Variants in IWS1 observed in about 807,000 individuals in gnomAD.
IWS1 encodes protein IWS1 homolog.
In IWS1, 27 loss-of-function variants were observed where a neutral mutation model predicts 86.7. That is an observed-to-expected ratio of 0.31 (90% CI 0.23 to 0.43). IWS1 has a LOEUF of 0.43. IWS1 is among the 20% of genes least tolerant of loss of function. IWS1 has a pLI of 1.00. For missense variants in IWS1, 827 were observed against 1,000.8 expected, an observed-to-expected ratio of 0.83 and a Z score of 2.34; for synonymous variants, 313 against 335.1, an observed-to-expected ratio of 0.93 and a Z score of 0.72.
At chr2:127,524,873 TTTTTTGTTTTTG>T (rs141922143) in intron 1 of IWS1, among the ~76,000 whole-genome samples, 23,541 of 149,032 alleles carry the variant, frequency 0.16, 3,428 homozygotes, top group African/African-American at 0.38. Flanking sequence ...AGGAAAGTGT[TTTTTTGTTTTTG>T]TTTTTGTTTT....
intron 13 of IWS1, among the ~76,000 whole-genome samples, chr2:127,483,580 G>GT (rs1372204740): frequency 3.8e-5 from 2 of 52,926 alleles, no homozygotes; most frequent in Non-Finnish European, 7.6e-5. Flanking sequence ...TCGGGGCGGG[G>GT]GGTGGTGGGG....
chr2:127,525,825 C>T (rs992242420), intron 1 of IWS1, among the ~76,000 whole-genome samples: 3 of 152,222 alleles, frequency 2.0e-5, no homozygotes, highest in African/African-American at 4.8e-5. Context: ...GGAAGGATCC[C>T]CCGCCCCAAC....
rs757289236 is a variant in IWS1, at chr2:127,505,303, A to G, written c.600T>C (p.Asn200=). Residue 200 remains asparagine, a synonymous_variant, in exon 3 of 14, where the codon AAT becomes AAC. Coordinates refer to ENST00000295321, the MANE Select transcript of IWS1 (RefSeq NM_017969.3). The surrounding 1 kb of genome is among the most constrained non-coding windows in gnomAD (Gnocchi z 5.0). ...PPRHQASDSE[N]EEPPKPRMSD... ...TCATTCGAGGTTTGGGAGGCTCCTCATTTTCGGAGTCACTGGCTTGGTGCC... is the reference window on the plus strand; with the variant it reads ...TCATTCGAGGTTTGGGAGGCTCCTCGTTTTCGGAGTCACTGGCTTGGTGCC... The G allele has an allele frequency of 1.9e-6, 3 of 1,613,464 alleles. No individual in the cohort carries two copies. In the South Asian group the frequency reaches 3.3e-5, roughly 18 times the overall value.
At chr2:127,495,528 A>G (rs1173397971) in intron 7 of IWS1, among the ~76,000 whole-genome samples, 1 of 152,196 alleles carries the variant, frequency 6.6e-6, no homozygotes, top group African/African-American at 2.4e-5. Context: ...AGATCATTGA[A>G]TCCATGCTGA....
intron 2 of IWS1, among the ~76,000 whole-genome samples, chr2:127,516,339 A>C (rs1047629359): frequency 3.3e-5 from 5 of 151,998 alleles, no homozygotes; most frequent in Non-Finnish European, 7.4e-5. Context: ...GAGACTCCGC[A>C]CCCCGCCCCC....
chr2:127,483,591 T>TGGGGGGGGGG (rs1187157658), intron 13 of IWS1, among the ~76,000 whole-genome samples: 1 of 17,520 alleles, frequency 5.7e-5, no homozygotes, highest in East Asian at 2.6e-3. Context: ...GGTGGTGGGG[T>TGGGGGGGGGG]GGGGGGGTTG....
chr2:127,522,550 C>T (rs535149629), intron 2 of IWS1, among the ~76,000 whole-genome samples: 11 of 152,330 alleles, frequency 7.2e-5, no homozygotes, highest in Non-Finnish European at 1.2e-4. Flanking sequence ...ATATTAGGTG[C>T]TCAATAAATA....
At chr2:127,516,067 T>C (rs561422587) in intron 2 of IWS1, among the ~76,000 whole-genome samples, 122 of 152,218 alleles carry the variant, frequency 8.0e-4, no homozygotes, top group Admixed American at 2.4e-3. Flanking sequence ...TGTGAGACCA[T>C]GCCAAGAGAT....
At chr2:127,525,648 G>A (rs943133253) in intron 1 of IWS1, among the ~76,000 whole-genome samples, 8 of 152,202 alleles carry the variant, frequency 5.3e-5, no homozygotes, top group African/African-American at 1.9e-4. Flanking sequence ...AAACTTCGGT[G>A]AGGAGGAAGA....
At chr2:127,486,732 C>G (rs1689950414) in intron 12 of IWS1, 68 bp from the exon 13 acceptor site, 1 of 1,169,782 alleles carries the variant, frequency 8.5e-7, no homozygotes. Flanking sequence ...TAGGCCATTT[C>G]ACACTCCTGT....
chr2:127,515,326 T>C (rs1691711967), intron 2 of IWS1, among the ~76,000 whole-genome samples: 1 of 152,206 alleles, frequency 6.6e-6, no homozygotes, highest in African/African-American at 2.4e-5. Context: ...TATACAGGCA[T>C]GCCCCCAAAT....
chr2:127,496,299 A>G (rs1690508842), intron 6 of IWS1, 151 bp from the exon 7 acceptor site: 1 of 872,632 alleles, frequency 1.1e-6, no homozygotes, highest in Non-Finnish European at 1.7e-6. Context: ...GCGCCGCATA[A>G]CGATGTTTCG....
Position 127,489,269 on chromosome 2 carries a change from T to C in IWS1, c.2160-34A>G. 6.7e-7 allele frequency: 1 copy of C among 1,500,468 alleles called. No homozygotes were observed. The highest frequency in any genetic ancestry group is 9.2e-7 in the Non-Finnish European group (1 of 1,082,572). 92.9% of individuals were successfully genotyped at this position (1,500,468 alleles called of 1,614,324 possible). The stretch of plus-strand genomic sequence containing the variant: ...AAAGTAAACAAGGAGATACCAGGAA[T>C]ATTAGAACCTAATAACTCAGAAAAA... On this transcript the variant is annotated intron_variant, in intron 11 of 13. Coordinates refer to ENST00000295321, the MANE Select transcript of IWS1 (RefSeq NM_017969.3). This position sits in a 1 kb window ranked among gnomAD's most constrained non-coding sequence, Gnocchi z 4.8.
Position 127,499,364 on chromosome 2 carries a change from A to C in IWS1, c.1468-1127T>G, listed in dbSNP as rs1395251594. 6.6e-6 allele frequency among the ~76,000 whole-genome samples: 1 copy of C among 152,208 alleles called. No individual in the cohort carries two copies. Among genetic ancestry groups the C allele is most frequent in the East Asian group, 1.9e-4 (1 of 5,200 alleles). On this transcript the variant is annotated intron_variant, in intron 5 of 13. Transcript: ENST00000295321. This position sits in a 1 kb window ranked among gnomAD's most constrained non-coding sequence, Gnocchi z 4.0. Reference sequence around the variant, plus strand: ...CTCGGCCTCCCAAAGTGCTGGGATTACAGGCGTGAGCCACCGCGCCCGGCC... The same window carrying C: ...CTCGGCCTCCCAAAGTGCTGGGATTCCAGGCGTGAGCCACCGCGCCCGGCC...
chr2:127,504,142 A>G (rs999161063), intron 3 of IWS1, among the ~76,000 whole-genome samples: 3 of 152,256 alleles, frequency 2.0e-5, no homozygotes, highest in African/African-American at 7.2e-5. Context: ...GTAGACAAGT[A>G]ATACTATCTG....
intron 2 of IWS1, among the ~76,000 whole-genome samples, chr2:127,515,831 C>A (rs546243983): frequency 6.6e-6 from 1 of 152,284 alleles, no homozygotes; most frequent in African/African-American, 2.4e-5. Context: ...TACAGAGTTC[C>A]TTCTCCATCC....
intron 1 of IWS1, among the ~76,000 whole-genome samples, chr2:127,525,289 T>C (rs1285515977): frequency 6.6e-6 from 1 of 152,162 alleles, no homozygotes; most frequent in Non-Finnish European, 1.5e-5. Context: ...AGTGCATGCC[T>C]GGAAAACGCT....
At chr2:127,514,931 G>A (rs1351877824) in intron 2 of IWS1, 5 of 152,216 alleles carry the variant, frequency 3.3e-5, no homozygotes, top group Non-Finnish European at 1.5e-5. Context: ...GCCCAAGCAG[G>A]GGCACTGCTG....
rs767766594 is a variant in IWS1 at position 127,503,561 on chromosome 2, C to T, written c.1235G>A (p.Arg412His). 1.5e-5 allele frequency: 24 copies of T among 1,587,760 alleles called. No homozygotes were observed. Among genetic ancestry groups the T allele is most frequent in the Middle Eastern group, 1.7e-4 (1 of 6,004 alleles). The stretch of plus-strand genomic sequence containing the variant: ...AGAGTCATCTGCATCAGAGACAACA[C>T]GACTCTTCTTTGCTGCTGTTGAAAA... ...DEEKASAKKSRVVSDADDSDS... is the reference protein window; with the variant it reads ...DEEKASAKKSHVVSDADDSDS... The change falls in exon 4 of 14, where the codon CGT becomes CAT. Residue 412 changes from arginine to histidine, a missense_variant. Arg to His is a conservative substitution (Grantham distance 29, BLOSUM62 0). This residue lies in a region of IWS1 where 548 missense variants were observed against 560.2 expected (regional missense o/e 0.98). Coordinates refer to ENST00000295321, the MANE Select transcript of IWS1 (RefSeq NM_017969.3).
Sources: allele counts gnomAD v4.1 joint callset (sites outside exome capture counted in the v4.1 genomes callset), GRCh38; gene constraint gnomAD v4.1.1; regional missense constraint gnomAD v4.1.1; non-coding constraint Gnocchi (gnomAD v3.1); transcripts MANE v1.5; gene names NCBI Gene and HGNC (gene_info 2026-07-23, HGNC 2026-07-21).